Variants in FAM168A observed in about 807,000 individuals in gnomAD.
FAM168A encodes family with sequence similarity 168 member A, also known as protein FAM168A.
FAM168A carries 3 observed loss-of-function variants against 28.5 expected under a neutral mutation model. The observed-to-expected ratio is 0.11, with a 90% confidence interval of 0.05 to 0.27. The LOEUF (loss-of-function observed/expected upper bound fraction) is 0.27, where lower values mean the gene tolerates loss of function less well. FAM168A is among the 10% of genes least tolerant of loss of function. FAM168A has a pLI of 1.00. For missense variants in FAM168A, 222 were observed against 311.5 expected, an observed-to-expected ratio of 0.71 and a Z score of 2.16; for synonymous variants, 122 against 124.2, an observed-to-expected ratio of 0.98 and a Z score of 0.12.
At chr11:73,407,941 A>C (rs1866537750) in intron 6 of FAM168A, among the ~76,000 whole-genome samples, 1 of 152,188 alleles carries the variant, frequency 6.6e-6, no homozygotes, top group African/African-American at 2.4e-5. Flanking sequence ...GCGCGATCTC[A>C]GCTCACTGCA....
Position 73,402,651 on chromosome 11 carries a change from C to G in FAM168A, c.*4112G>C, listed in dbSNP as rs560267912. 1 of 152,352 alleles carries G rather than the reference C, an allele frequency of 6.6e-6. No homozygotes were observed. Among genetic ancestry groups the G allele is most frequent in the African/African-American group, 2.4e-5 (1 of 41,560 alleles). 9.4% of individuals were successfully genotyped at this position (152,352 alleles called of 1,614,324 possible). ...TGGATCTGGACAGTGGGCAGGCTCT[C>G]AGGGATTAGGAAGCCAGGTGTGCAG... On this transcript the variant is annotated 3_prime_UTR_variant, in exon 8 of 8. Transcript: ENST00000356467.
chr11:73,543,596 A>G (rs1474359030), intron 1 of FAM168A, among the ~76,000 whole-genome samples: 3 of 152,162 alleles, frequency 2.0e-5, no homozygotes, highest in Non-Finnish European at 2.9e-5. Flanking sequence ...TAAGTCTTCA[A>G]TCGGGTCTTC....
chr11:73,541,515 G>T (rs1164795527), intron 1 of FAM168A, among the ~76,000 whole-genome samples: 1 of 151,876 alleles, frequency 6.6e-6, no homozygotes, highest in African/African-American at 2.4e-5. Flanking sequence ...TGGGACTACA[G>T]GCGCCTGCCA....
At chr11:73,438,946 C>T (rs1041641496) in intron 2 of FAM168A, among the ~76,000 whole-genome samples, 3 of 150,766 alleles carry the variant, frequency 2.0e-5, no homozygotes, top group Non-Finnish European at 4.4e-5. Flanking sequence ...GTACTATCCC[C>T]CCGCCTCACC....
intron 1 of FAM168A, among the ~76,000 whole-genome samples, chr11:73,559,148 C>G (rs905441772): frequency 3.3e-5 from 5 of 152,138 alleles, no homozygotes; most frequent in Non-Finnish European, 7.4e-5. Flanking sequence ...TGGCTTATGC[C>G]CGTAATCCTA....
chr11:73,427,563 G>C (rs1310921001), intron 3 of FAM168A, among the ~76,000 whole-genome samples: 1 of 152,098 alleles, frequency 6.6e-6, no homozygotes, highest in Non-Finnish European at 1.5e-5. Flanking sequence ...CTGGGGCTTG[G>C]ATCTTTGGGC....
At chr11:73,513,205 AT>A (rs1046600591) in intron 1 of FAM168A, among the ~76,000 whole-genome samples, 7,737 of 109,360 alleles carry the variant, frequency 0.071, 92 homozygotes, top group Non-Finnish European at 0.087. Flanking sequence ...TTTTTTTTTA[AT>A]TTTTTTTTTT....
chr11:73,597,309 C>G (rs1944448384), intron 1 of FAM168A, among the ~76,000 whole-genome samples: 1 of 152,068 alleles, frequency 6.6e-6, no homozygotes, highest in Admixed American at 6.6e-5. Context: ...ATTCCACCAG[C>G]CCCAGATGAC....
chr11:73,590,535 G>A (rs1403315157), intron 1 of FAM168A, among the ~76,000 whole-genome samples: 5 of 152,234 alleles, frequency 3.3e-5, no homozygotes, highest in East Asian at 1.9e-4. Flanking sequence ...CCTATGAAAC[G>A]TCATAAACAG....
At chr11:73,579,665 G>A (rs962304399) in intron 1 of FAM168A, among the ~76,000 whole-genome samples, 4 of 152,182 alleles carry the variant, frequency 2.6e-5, no homozygotes, top group Admixed American at 6.5e-5. Context: ...ACTTTTAACT[G>A]ATAAAAGCTA....
rs552759826 is a variant in FAM168A at position 73,481,612 on chromosome 11, C to T, written c.-18-13120G>A. ...CTTACAAGAGGTTACATTTGCAATGCAAATATATAAGCTAAATTTTTATCT... is the reference window on the plus strand; with the variant it reads ...CTTACAAGAGGTTACATTTGCAATGTAAATATATAAGCTAAATTTTTATCT... On this transcript the variant is annotated intron_variant, in intron 1 of 7. Coordinates refer to ENST00000356467, the MANE Select transcript of FAM168A (RefSeq NM_015159.3). Among the ~76,000 whole-genome samples the T allele has an allele frequency of 1.4e-4, 22 of 152,188 alleles. No homozygotes were observed. In the South Asian group the frequency reaches 4.6e-3, roughly 32 times the overall value.
chr11:73,491,698 G>T (rs933304689), intron 1 of FAM168A, among the ~76,000 whole-genome samples: 2 of 152,154 alleles, frequency 1.3e-5, no homozygotes, highest in Non-Finnish European at 2.9e-5. Context: ...TCTCATACGT[G>T]GGATGCAGAC....
intron 1 of FAM168A, among the ~76,000 whole-genome samples, chr11:73,532,116 A>G (rs1020282129): frequency 1.3e-5 from 2 of 151,778 alleles, no homozygotes; most frequent in African/African-American, 4.8e-5. Context: ...CCTGGCCCCA[A>G]GTATTACTTT....
intron 1 of FAM168A, among the ~76,000 whole-genome samples, chr11:73,585,891 AAAGAG>A (rs1490077799): frequency 6.7e-6 from 1 of 149,900 alleles, no homozygotes; most frequent in East Asian, 1.9e-4. Flanking sequence ...AAAAAAAAAA[AAAGAG>A]ATTGACCCTT....
chr11:73,554,154 T>A (rs1851630232), intron 1 of FAM168A, among the ~76,000 whole-genome samples: 1 of 151,862 alleles, frequency 6.6e-6, no homozygotes. Context: ...GGTGGGAGGA[T>A]CACTTGAGCC....
intron 1 of FAM168A, among the ~76,000 whole-genome samples, chr11:73,503,487 C>A (rs1855049856): frequency 6.6e-6 from 1 of 152,042 alleles, no homozygotes; most frequent in Non-Finnish European, 1.5e-5. Flanking sequence ...AACCACTGCT[C>A]AAGGAAATAA....
intron 2 of FAM168A, among the ~76,000 whole-genome samples, chr11:73,461,031 G>C (rs1248766199): frequency 6.6e-6 from 1 of 152,164 alleles, no homozygotes; most frequent in Non-Finnish European, 1.5e-5. Context: ...CCATCCATTT[G>C]TTGAAAAACT....
chr11:73,448,714 G>A (rs181939262), intron 2 of FAM168A, among the ~76,000 whole-genome samples: 37 of 152,244 alleles, frequency 2.4e-4, no homozygotes, highest in Admixed American at 1.8e-3. Context: ...CATTACTCGT[G>A]TTCCTCTATA....
At chr11:73,567,049 T>A (rs978502285) in intron 1 of FAM168A, among the ~76,000 whole-genome samples, 24 of 152,098 alleles carry the variant, frequency 1.6e-4, no homozygotes, top group Non-Finnish European at 1.8e-4. Context: ...TTTGGCAGGG[T>A]TGGGCTGAGA....
Sources: allele counts gnomAD v4.1 joint callset (sites outside exome capture counted in the v4.1 genomes callset), GRCh38; gene constraint gnomAD v4.1.1; transcripts MANE v1.5; gene names NCBI Gene and HGNC (gene_info 2026-07-23, HGNC 2026-07-21).